Variants in SLC24A2 observed in about 807,000 individuals in gnomAD.
SLC24A2 encodes solute carrier family 24 member 2, also known as sodium/potassium/calcium exchanger 2.
SLC24A2 carries 36 observed loss-of-function variants against 62.0 expected under a neutral mutation model. The ratio of observed to expected loss-of-function variants is 0.58; its 90% CI spans 0.44 to 0.77. The LOEUF (loss-of-function observed/expected upper bound fraction) is 0.77, where lower values mean the gene tolerates loss of function less well. Among genes scored for constraint, SLC24A2 ranks in the 30% least tolerant of loss-of-function variants. The pLI is 0.00. For synonymous variants in SLC24A2, 358 were observed against 294.0 expected (o/e 1.22, Z -2.23); for missense variants, 846 against 817.9 (o/e 1.03, Z -0.42).
At chr9:19,546,133 G>T (rs1834554172) in intron 8 of SLC24A2, among the ~76,000 whole-genome samples, 1 of 152,226 alleles carries the variant, frequency 6.6e-6, no homozygotes, top group South Asian at 2.1e-4. Flanking sequence ...TATGAGGTAG[G>T]TCTGTTGGCC....
chr9:19,703,235 T>C (rs116430157), intron 2 of SLC24A2, among the ~76,000 whole-genome samples: 18 of 152,348 alleles, frequency 1.2e-4, no homozygotes, highest in African/African-American at 4.3e-4. Context: ...GTGCAGATAC[T>C]GTATCCATTT....
At chr9:20,071,832 T>C in the SLC24A2 span, among the ~76,000 whole-genome samples, 2 of 152,110 alleles carry the variant, frequency 1.3e-5, no homozygotes, top group African/African-American at 4.8e-5. Flanking sequence ...AGTCTTCAAG[T>C]TGGGGTTCCT....
intron 2 of SLC24A2, among the ~76,000 whole-genome samples, chr9:19,730,123 C>G (rs1029356173): frequency 6.6e-6 from 1 of 152,218 alleles, no homozygotes; most frequent in Non-Finnish European, 1.5e-5. Flanking sequence ...GTCTCCCTCA[C>G]TTCCTTCAGG....
chr9:20,150,962 C>T, the SLC24A2 span, among the ~76,000 whole-genome samples: 1 of 151,798 alleles, frequency 6.6e-6, no homozygotes, highest in Middle Eastern at 3.2e-3. Flanking sequence ...ATGTATTACT[C>T]TTACAATCAA....
At chr9:20,297,844 C>T in the SLC24A2 span, among the ~76,000 whole-genome samples, 5 of 152,238 alleles carry the variant, frequency 3.3e-5, no homozygotes, top group Admixed American at 6.5e-5. Context: ...CACAGCCCCA[C>T]GCTCCACCCC....
chr9:19,651,184 C>T (rs911044309), intron 2 of SLC24A2, among the ~76,000 whole-genome samples: 5 of 152,240 alleles, frequency 3.3e-5, no homozygotes, highest in South Asian at 2.1e-4. Flanking sequence ...AGCTACAACA[C>T]CCTAAGTGGA....
At chr9:19,822,176 TTA>T in the SLC24A2 span, among the ~76,000 whole-genome samples, 1 of 152,156 alleles carries the variant, frequency 6.6e-6, no homozygotes, top group Non-Finnish European at 1.5e-5. Context: ...TAGTAATGCT[TTA>T]AGTTGTATTT....
chr9:20,116,296 G>C, the SLC24A2 span, among the ~76,000 whole-genome samples: 1 of 152,190 alleles, frequency 6.6e-6, no homozygotes, highest in East Asian at 1.9e-4. Context: ...TGTCTGCTTA[G>C]GTCCTTATGG....
the SLC24A2 span, among the ~76,000 whole-genome samples, chr9:19,919,210 C>A: frequency 1.4e-4 from 22 of 152,214 alleles, no homozygotes; most frequent in Admixed American, 2.6e-4. Flanking sequence ...GTGGCTTGCT[C>A]CCGGGGGGTT....
intron 2 of SLC24A2, among the ~76,000 whole-genome samples, chr9:19,709,627 C>A (rs553018198): frequency 2.7e-4 from 41 of 151,702 alleles, no homozygotes; most frequent in Admixed American, 5.2e-4. Context: ...AAACTGGACA[C>A]CATCATTCTC....
chr9:20,047,123 C>T, the SLC24A2 span, among the ~76,000 whole-genome samples: 1 of 152,136 alleles, frequency 6.6e-6, no homozygotes, highest in African/African-American at 2.4e-5. Context: ...TCTGTCCAGC[C>T]TGAGGTTACA....
chr9:19,847,052 T>A, the SLC24A2 span, among the ~76,000 whole-genome samples: 2 of 152,162 alleles, frequency 1.3e-5, no homozygotes, highest in African/African-American at 4.8e-5. Flanking sequence ...GCTTAGGTTC[T>A]GTTCATATAA....
At chr9:20,186,330 T>C in the SLC24A2 span, among the ~76,000 whole-genome samples, 3 of 152,284 alleles carry the variant, frequency 2.0e-5, no homozygotes, top group South Asian at 2.1e-4. Context: ...TGAACACTTA[T>C]CTCTGTAGTG....
At chr9:19,805,245 C>T in the SLC24A2 span, among the ~76,000 whole-genome samples, 4 of 152,134 alleles carry the variant, frequency 2.6e-5, no homozygotes, top group African/African-American at 9.7e-5. Context: ...TTTAGCTGTA[C>T]ATTTTCTAAG....
At chr9:20,129,973 A>G in the SLC24A2 span, among the ~76,000 whole-genome samples, 1 of 151,686 alleles carries the variant, frequency 6.6e-6, no homozygotes, top group African/African-American at 2.4e-5. Flanking sequence ...ACAGAGGTTA[A>G]GATTTCCTAG....
chr9:19,922,146 T>C, the SLC24A2 span, among the ~76,000 whole-genome samples: 2 of 152,222 alleles, frequency 1.3e-5, no homozygotes, highest in Non-Finnish European at 2.9e-5. Context: ...TCCAGTCTTT[T>C]AGATTCTAAA....
the SLC24A2 span, among the ~76,000 whole-genome samples, chr9:20,177,655 A>G: frequency 6.6e-6 from 1 of 152,160 alleles, no homozygotes; most frequent in African/African-American, 2.4e-5. Flanking sequence ...CCTTTAGGCT[A>G]TGGGTGAGCA....
the SLC24A2 span, among the ~76,000 whole-genome samples, chr9:19,883,891 A>T: frequency 6.6e-6 from 1 of 152,300 alleles, no homozygotes; most frequent in East Asian, 1.9e-4. Flanking sequence ...AATATGTACC[A>T]TATATAGACA....
At chr9:19,591,836 T>G (rs1836562276) in intron 5 of SLC24A2, among the ~76,000 whole-genome samples, 2 of 152,250 alleles carry the variant, frequency 1.3e-5, no homozygotes, top group South Asian at 4.1e-4. Flanking sequence ...ACTGTTAATT[T>G]GGATTTTCTG....
Sources: gnomAD v4.1 joint callset for allele counts (sites outside exome capture counted in the v4.1 genomes callset) on GRCh38, gnomAD v4.1.1 for gene constraint, MANE v1.5 for transcripts, NCBI Gene and HGNC (gene_info 2026-07-23, HGNC 2026-07-21) for gene names.